PKHD1L1: variants seen among roughly 807,000 people sequenced by gnomAD.
PKHD1L1 encodes fibrocystin-L.
In PKHD1L1, 434 loss-of-function variants were observed where a neutral mutation model predicts 462.9. The ratio of observed to expected loss-of-function variants is 0.94; its 90% confidence interval spans 0.87 to 1.02. The LOEUF (loss-of-function observed/expected upper bound fraction) is 1.02, where lower values mean the gene tolerates loss of function less well. Among genes scored for constraint, PKHD1L1 ranks in the 50% least tolerant of loss-of-function variants. PKHD1L1 has a pLI of 0.00. For missense variants in PKHD1L1, 5,202 were observed against 5,096.1 expected (o/e 1.02, Z -0.63); for synonymous variants, 1,781 against 1,750.0 (o/e 1.02, Z -0.44).
chr8:109,394,170 CAAAAAAAAAAAA>C (rs146708536), intron 9 of PKHD1L1, among the ~76,000 whole-genome samples: 7 of 63,710 alleles, frequency 1.1e-4, no homozygotes, highest in Middle Eastern at 0.014. Flanking sequence ...GAGACTCTGT[CAAAAAAAAAAAA>C]AAAAAAAAAA....
intron 22 of PKHD1L1, 113 bp from the exon 23 acceptor site, chr8:109,420,405 T>C: frequency 1.7e-6 from 1 of 587,016 alleles, no homozygotes. Context: ...TTGATGATTT[T>C]ATTTTTAGCA....
chr8:109,509,296 A>T (rs1172512860), intron 70 of PKHD1L1, among the ~76,000 whole-genome samples: 1 of 151,996 alleles, frequency 6.6e-6, no homozygotes, highest in East Asian at 1.9e-4. Context: ...ACTGTCAATG[A>T]ATAATGGAGT....
Position 109,444,643 on chromosome 8 carries a change from T to C in PKHD1L1, c.4792-18T>C, listed in dbSNP as rs767881035. ...GTATGTATTGACTTGTTTTATTTTG[T>C]ATTCATTTTACTTACAGGTTACAAT... On this transcript the variant is annotated intron_variant, in intron 37 of 77. Coordinates refer to ENST00000378402, the MANE Select transcript of PKHD1L1 (RefSeq NM_177531.6). The C allele has an allele frequency of 1.9e-6, 3 of 1,593,440 alleles. No individual in the cohort carries two copies. The highest frequency in any genetic ancestry group is 1.7e-6 in the Non-Finnish European group (2 of 1,167,694).
chr8:109,537,077 G>T lies in PKHD1L1; in HGVS notation c.*6987G>T, dbSNP rs1485963437. Among the ~76,000 whole-genome samples, 1 of 152,216 alleles carries T rather than the reference G, an allele frequency of 6.6e-6. No homozygotes were observed. The highest frequency in any genetic ancestry group is 2.4e-5 in the African/African-American group (1 of 41,462). ...ATCAGAAAATCCTATGCTTTCAAAT[G>T]TATCTGCTCAAAGATGTCACTCTAT... On this transcript the variant is annotated 3_prime_UTR_variant, in exon 78 of 78. Transcript: ENST00000378402.
chr8:109,498,675 T>G lies in PKHD1L1; in HGVS notation c.10732T>G (p.Trp3578Gly), dbSNP rs186951934. The change falls in exon 67 of 78, where the codon TGG becomes GGG. Residue 3578 changes from tryptophan (W) to glycine (G), a missense_variant. Transcript: ENST00000378402. ...AAAAGGTGGGAGAAGTGGGATTTGT[T>G]GGCCTACCTTTGCTTCAGCTCATAA... is the stretch of plus-strand genomic sequence containing the variant. ...SPSGGRSGIC[W>G]PTFASAHNMA... 5.1e-5 allele frequency: 83 copies of G among 1,614,010 alleles called. No individual in the cohort carries two copies. In the East Asian group the frequency reaches 1.8e-3, roughly 36 times the overall value.
intron 63 of PKHD1L1, 38 bp downstream of exon 63, chr8:109,493,789 A>G (rs1462260555): frequency 7.3e-7 from 1 of 1,364,194 alleles, no homozygotes; most frequent in Non-Finnish European, 1.0e-6. Context: ...AAACTAGGAA[A>G]TAACTTGTAC....
chr8:109,441,832 G>C (rs1442410798), intron 34 of PKHD1L1, among the ~76,000 whole-genome samples, 175 bp from the exon 35 acceptor site: 2 of 150,692 alleles, frequency 1.3e-5, no homozygotes, highest in Non-Finnish European at 3.0e-5. Context: ...TTATTACCTT[G>C]CTTTCCATTA....
At chr8:109,399,688 T>C (rs1813172128) in intron 12 of PKHD1L1, among the ~76,000 whole-genome samples, 1 of 152,148 alleles carries the variant, frequency 6.6e-6, no homozygotes, top group African/African-American at 2.4e-5. Context: ...AAAGGTTTTG[T>C]AATAAAATGG....
At chr8:109,436,165 G>A (rs902711640) in intron 29 of PKHD1L1, among the ~76,000 whole-genome samples, 173 bp from the exon 30 acceptor site, 1 of 152,202 alleles carries the variant, frequency 6.6e-6, no homozygotes, top group Non-Finnish European at 1.5e-5. Flanking sequence ...CCAGGCTCAG[G>A]TGTGTGGTGG....
Position 109,464,639 on chromosome 8 carries a change from C to CA in PKHD1L1, c.7813dup (p.Arg2605LysfsTer9), listed in dbSNP as rs1240577213. The CA allele has an allele frequency of 6.2e-7, 1 of 1,612,524 alleles. No individual in the cohort carries two copies. Among genetic ancestry groups the CA allele is most frequent in the South Asian group, 1.1e-5 (1 of 91,068 alleles). The stretch of plus-strand genomic sequence containing the variant: ...GCCATCCTATGACAGAAACATTTGT[C>CA]AAAAAAGAGTTCCCCTTGGCGAATT... On this transcript the variant is annotated frameshift_variant, in exon 49 of 78. Transcript: ENST00000378402. LOFTEE classifies it high-confidence loss of function.
intron 50 of PKHD1L1, among the ~76,000 whole-genome samples, chr8:109,474,500 G>A (rs974805462): frequency 1.3e-5 from 2 of 152,212 alleles, no homozygotes; most frequent in Non-Finnish European, 2.9e-5. Flanking sequence ...CTTCATCAGT[G>A]TTAAGTTATA....
rs574114006 is a variant in PKHD1L1 at position 109,533,139 on chromosome 8, G to A, written c.*3049G>A. Among the ~76,000 whole-genome samples, 1 of 152,200 alleles carries A rather than the reference G, an allele frequency of 6.6e-6. No homozygotes were observed. The highest frequency in any genetic ancestry group is 2.1e-4 in the South Asian group (1 of 4,832). ...TGCTTCCCACTTTTCCTCAAGCATG[G>A]GCAAGTGCTTCATTGGGAAGAGTTT... On this transcript the variant is annotated 3_prime_UTR_variant, in exon 78 of 78. Coordinates refer to ENST00000378402, the MANE Select transcript of PKHD1L1 (RefSeq NM_177531.6).
chr8:109,411,457 C>A (rs768346700), intron 19 of PKHD1L1, among the ~76,000 whole-genome samples: 1 of 152,110 alleles, frequency 6.6e-6, no homozygotes, highest in East Asian at 1.9e-4. Context: ...AATAGATGAA[C>A]TTTTCAACTT....
intron 14 of PKHD1L1, among the ~76,000 whole-genome samples, chr8:109,402,082 AG>A (rs374788088): frequency 1.3e-5 from 2 of 152,326 alleles, no homozygotes; most frequent in East Asian, 3.9e-4. Context: ...TAGTGTTGAA[AG>A]GTCAAGTCCA....
At chr8:109,388,887 G>A (rs972804206) in intron 7 of PKHD1L1, among the ~76,000 whole-genome samples, 192 bp from the exon 8 acceptor site, 1 of 152,036 alleles carries the variant, frequency 6.6e-6, no homozygotes, top group Non-Finnish European at 1.5e-5. Flanking sequence ...ATATTTTATT[G>A]TTGTATAAAA....
chr8:109,372,708 A>G (rs200140949), intron 2 of PKHD1L1, among the ~76,000 whole-genome samples: 1,845 of 152,182 alleles, frequency 0.012, 37 homozygotes, highest in African/African-American at 0.042. Context: ...AGAGTTTTTA[A>G]CATGAAGGGT....
intron 27 of PKHD1L1, among the ~76,000 whole-genome samples, chr8:109,431,942 C>T (rs894766133): frequency 6.6e-6 from 1 of 152,130 alleles, no homozygotes; most frequent in African/African-American, 2.4e-5. Flanking sequence ...GTAATAGCAA[C>T]ATATCCCCTA....
chr8:109,422,174 A>G (rs1814507537), intron 23 of PKHD1L1, among the ~76,000 whole-genome samples: 1 of 152,192 alleles, frequency 6.6e-6, no homozygotes. Context: ...TAACCAGGAA[A>G]TTGACATGAT....
intron 27 of PKHD1L1, among the ~76,000 whole-genome samples, chr8:109,432,007 G>A (rs1263616346): frequency 1.3e-5 from 2 of 152,080 alleles, no homozygotes; most frequent in African/African-American, 4.8e-5. Flanking sequence ...ATTCCGATGG[G>A]TGAAAGTTAA....
Sources: gnomAD v4.1 joint callset for allele counts (sites outside exome capture counted in the v4.1 genomes callset) on GRCh38, gnomAD v4.1.1 for gene constraint, MANE v1.5 for transcripts, NCBI Gene and HGNC (gene_info 2026-07-23, HGNC 2026-07-21) for gene names.